EPHA1: variants seen among roughly 807,000 people sequenced by gnomAD.
EPHA1 encodes ephrin type-A receptor 1.
In EPHA1, 92 loss-of-function variants were observed where a neutral mutation model predicts 110.1. The observed-to-expected ratio is 0.84, with a 90% confidence interval of 0.71 to 0.99. The LOEUF (loss-of-function observed/expected upper bound fraction) is 0.99. Ranked by LOEUF, EPHA1 falls within the 50% of genes least tolerant of loss-of-function variation. EPHA1 has a pLI of 0.00. For missense variants in EPHA1, 1,204 were observed against 1,285.4 expected (o/e 0.94, Z 0.97); for synonymous variants, 500 against 516.1 (o/e 0.97, Z 0.42).
intron 4 of EPHA1, 118 bp from the exon 5 acceptor site, chr7:143,399,531 C>T (rs1388981334): frequency 6.5e-7 from 1 of 1,548,966 alleles, no homozygotes; most frequent in Non-Finnish European, 8.7e-7. Context: ...TGTGTGTCCG[C>T]TGCTCTGGGA....
At position 143,399,397 on chromosome 7, in the gene EPHA1, G is replaced by A. The variant is rs1328047357; in HGVS notation, c.852C>T (p.Ser284=). 6.3e-7 allele frequency: 1 copy of A among 1,593,046 alleles called. No homozygotes were observed. Among genetic ancestry groups the A allele is most frequent in the African/African-American group, 1.3e-5 (1 of 74,404 alleles). The change falls in exon 5 of 18, where the codon TCC becomes TCT. Residue 284 remains serine (S), a synonymous_variant. Transcript: ENST00000275815. ...GGGGTGTGTCCATGTCCATCCGGTA[G>A]GAGCCGCTAGGGCAGGCTGGAGAGA... is the stretch of plus-strand genomic sequence containing the variant. The part of the protein sequence containing the change: ...GEACVACPSG[S]YRMDMDTPHC...
chr7:143,394,130 G>T, intron 15 of EPHA1, 64 bp downstream of exon 15: 1 of 1,545,758 alleles, frequency 6.5e-7, no homozygotes, highest in South Asian at 1.2e-5. Context: ...GCCATGGGAG[G>T]ACCTTGGGAG....
In EPHA1 at chr7:143,399,323, G is replaced by A. The variant is rs1805351077; in HGVS notation, c.926C>T (p.Thr309Ile). Residue 309 changes from threonine (T) to isoleucine (I), a missense_variant, in exon 5 of 18, where the codon ACC becomes ATC. Thr to Ile is a moderately conservative substitution (Grantham distance 89). Transcript: ENST00000275815. ...ATGGCCGCTCTCACAGGTACAGATG[G>A]TGGCCCCCTCAGACTCAGCAGTGCT... ...QQSTAESEGA[T>I]ICTCESGHYR... 6.2e-7 allele frequency: 1 copy of A among 1,612,606 alleles called. No individual in the cohort carries two copies. Among genetic ancestry groups the A allele is most frequent in the South Asian group, 1.1e-5 (1 of 90,964 alleles).
chr7:143,407,850 C>A (rs930396944), intron 1 of EPHA1, 172 bp from the exon 2 acceptor site: 8 of 501,936 alleles, frequency 1.6e-5, no homozygotes, highest in African/African-American at 1.4e-4. Flanking sequence ...GTGAAGAGCT[C>A]CAGGGATTTC....
In EPHA1 at chr7:143,393,118, C is replaced by T. The variant is rs906956532; in HGVS notation, c.2696+553G>A. Among the ~76,000 whole-genome samples the T allele has an allele frequency of 6.6e-6, 1 of 152,164 alleles. No individual in the cohort carries two copies. Among genetic ancestry groups the T allele is most frequent in the Non-Finnish European group, 1.5e-5 (1 of 68,028 alleles). ...CTACCAGCCCTCAGCTCCCCACAGA[C>T]TAGCCATGTGATCCAGAAGCCTTCC... On this transcript the variant is annotated intron_variant, in intron 16 of 17. Coordinates refer to ENST00000275815, the MANE Select transcript of EPHA1 (RefSeq NM_005232.5). The surrounding 1 kb of genome is among the most constrained non-coding windows in gnomAD (Gnocchi z 5.6).
Position 143,401,449 on chromosome 7 carries a change from C to A in EPHA1, c.307G>T (p.Val103Leu). Reference sequence around the variant, plus strand: ...CCAGGGAAACTCTTGCAGTCCCGCACGGTGAACTGCAGCTCCACGTGGACG... The same window carrying A: ...CCAGGGAAACTCTTGCAGTCCCGCAAGGTGAACTGCAGCTCCACGTGGACG... ...SRVHVELQFT[V>L]RDCKSFPGGA... is the part of the protein sequence containing the mutation. Residue 103 changes from valine to leucine, a missense_variant, in exon 3 of 18, where the codon GTG becomes TTG. Transcript: ENST00000275815. The surrounding 1 kb of genome is among the most constrained non-coding windows in gnomAD (Gnocchi z 4.1). The A allele has an allele frequency of 3.7e-6, 6 of 1,614,126 alleles. No individual in the cohort carries two copies. Among genetic ancestry groups the A allele is most frequent in the Non-Finnish European group, 5.1e-6 (6 of 1,180,046 alleles).
chr7:143,408,711 C>T lies in EPHA1; in HGVS notation c.82+13G>A. On this transcript the variant is annotated intron_variant, in intron 1 of 17. Transcript: ENST00000275815. ...GGCGCGGGGGTTGGGGGCGCGGGGG[C>T]GGGGGTCGGTACCTTCCTTGGCGCG... The T allele has an allele frequency of 1.1e-5, 5 of 444,240 alleles. No individual in the cohort carries two copies. The South Asian group carries it at 3.8e-4, about 34-fold the overall frequency. The allele number at this position is 444,240 out of a possible 1,614,324, so 27.5% of individuals were successfully genotyped here.
intron 14 of EPHA1, 120 bp downstream of exon 14, chr7:143,394,687 TG>T (rs1805194210): frequency 1.7e-6 from 2 of 1,207,490 alleles, no homozygotes; most frequent in Non-Finnish European, 2.3e-6. Flanking sequence ...CCCAAAGTGC[TG>T]GGATTACAGG....
chr7:143,396,551 G>A (rs1236465524), intron 10 of EPHA1, 41 bp from the exon 11 acceptor site: 2 of 1,606,884 alleles, frequency 1.2e-6, no homozygotes, highest in East Asian at 2.2e-5. Context: ...CAACATCAGG[G>A]CTCAGGAGTA....
intron 3 of EPHA1, chr7:143,400,762 T>C (rs1405249760): frequency 1.3e-5 from 2 of 155,646 alleles, no homozygotes; most frequent in East Asian, 3.8e-4. Context: ...ATAAAATAGA[T>C]ATAGCTGGCC....
rs200691147 is a variant in EPHA1, at chr7:143,399,238, G to A, written c.991+20C>T. On this transcript the variant is annotated intron_variant, in intron 5 of 17. Coordinates refer to ENST00000275815, the MANE Select transcript of EPHA1 (RefSeq NM_005232.5). ...CCAGCCCCTCCCTCCAGATGGCCAC[G>A]CCCCACCCCCTGGACTCACCTGTGC... 3.0e-5 allele frequency: 48 copies of A among 1,602,916 alleles called. No individual in the cohort carries two copies. The African/African-American group carries it at 3.4e-4, about 11-fold the overall frequency.
rs766943140 is a variant in EPHA1, at chr7:143,399,923, G to T, written c.563C>A (p.Pro188Gln). The change falls in exon 4 of 18, where the codon CCG becomes CAG. Residue 188 changes from proline (P) to glutamine (Q), a missense_variant. Pro to Gln is a moderately conservative substitution (Grantham distance 76). Coordinates refer to ENST00000275815, the MANE Select transcript of EPHA1 (RefSeq NM_005232.5). ...AGACACCAGGGCCACACAGGCACCC[G>T]GGTTGTGGAAAGCGAGGTAGAGGCC... is the stretch of plus-strand genomic sequence containing the variant. ...RRGLYLAFHN[P>Q]GACVALVSVR... 5.6e-6 allele frequency: 9 copies of T among 1,613,326 alleles called. No homozygotes were observed. The highest frequency in any genetic ancestry group is 1.1e-5 in the South Asian group (1 of 90,962).
At chr7:143,400,521 G>T (rs559316463) in intron 3 of EPHA1, among the ~76,000 whole-genome samples, 1 of 152,164 alleles carries the variant, frequency 6.6e-6, no homozygotes, top group Non-Finnish European at 1.5e-5. Flanking sequence ...ATCATAAAAT[G>T]CTCCTTACTC....
At position 143,397,330 on chromosome 7, in the gene EPHA1, C is replaced by CGCTGCCTCT; in HGVS notation, c.1736_1744dup (p.Gln579_Gln581dup). On this transcript the variant is annotated inframe_insertion, in exon 10 of 18. Coordinates refer to ENST00000275815, the MANE Select transcript of EPHA1 (RefSeq NM_005232.5). ...TCGATCCACATCGGTGGCGCGGTCA[C>CGCTGCCTCT]GCTGCCTCTGCTGCCTCTGCCGCTG... The CGCTGCCTCT allele has an allele frequency of 6.5e-7, 1 of 1,549,898 alleles. No individual in the cohort carries two copies. The highest frequency in any genetic ancestry group is 8.7e-7 in the Non-Finnish European group (1 of 1,146,882).
In EPHA1 at chr7:143,393,899, C is replaced by G; in HGVS notation, c.2503-35G>C. The G allele has an allele frequency of 1.3e-6, 2 of 1,513,352 alleles. No homozygotes were observed. The highest frequency in any genetic ancestry group is 2.7e-5 in the South Asian group (2 of 74,832). The allele number at this position is 1,513,352 out of a possible 1,614,324, so 93.7% of individuals were successfully genotyped here. A position where few individuals can be genotyped will look rare whatever the true frequency, so the allele number is the denominator to read the frequency against. On this transcript the variant is annotated intron_variant, in intron 15 of 17. Transcript: ENST00000275815. The surrounding 1 kb of genome is among the most constrained non-coding windows in gnomAD (Gnocchi z 5.6). ...GGGACAGGAGGATGCTCTAGAGTAG[C>G]AAGCTAACCTGGAGGCCCATGAGAA...
At chr7:143,398,991 C>T (rs886347919) in intron 5 of EPHA1, 46 bp from the exon 6 acceptor site, 1 of 1,500,104 alleles carries the variant, frequency 6.7e-7, no homozygotes, top group Non-Finnish European at 9.0e-7. Context: ...CTCGCTGTCA[C>T]CCGAGCTGCT....
Position 143,394,001 on chromosome 7 carries a change from C to T in EPHA1, c.2503-137G>A. On this transcript the variant is annotated intron_variant, in intron 15 of 17. Coordinates refer to ENST00000275815, the MANE Select transcript of EPHA1 (RefSeq NM_005232.5). ...TGGGAGGACCAGGGTGGGACGATCACAGTGGGAGGATCAGGGTGGGAGGAG... is the reference window on the plus strand; with the variant it reads ...TGGGAGGACCAGGGTGGGACGATCATAGTGGGAGGATCAGGGTGGGAGGAG... 3.2e-6 allele frequency: 4 copies of T among 1,244,988 alleles called. No homozygotes were observed. The South Asian group carries it at 6.1e-5, about 19-fold the overall frequency. The allele number at this position is 1,244,988 out of a possible 1,614,324, so 77.1% of individuals were successfully genotyped here.
chr7:143,391,623 G>T lies in EPHA1; in HGVS notation c.2849C>A (p.Ala950Asp), dbSNP rs775057203. The T allele has an allele frequency of 6.2e-7, 1 of 1,614,154 alleles. No individual in the cohort carries two copies. Among genetic ancestry groups the T allele is most frequent in the African/African-American group, 1.3e-5 (1 of 75,048 alleles). Residue 950 changes from alanine to aspartate, a missense_variant, in exon 17 of 18, where the codon GCT becomes GAT. Transcript: ENST00000275815. ...CCAGACAGCTCCAGCTCCTTACTCA[G>T]CGGTCAGCTCCAGCACACACTCCAT... Reference protein sequence around the residue: ...DTMECVLELTAEDLTQMGITL... With the variant: ...DTMECVLELTDEDLTQMGITL...
At chr7:143,403,905 GTTTC>G (rs1264606449) in intron 2 of EPHA1, among the ~76,000 whole-genome samples, 1 of 152,126 alleles carries the variant, frequency 6.6e-6, no homozygotes, top group Non-Finnish European at 1.5e-5. Context: ...AGTTGGATGA[GTTTC>G]TTTTTTAAAC....
Sources: allele counts gnomAD v4.1 joint callset (sites outside exome capture counted in the v4.1 genomes callset), GRCh38; gene constraint gnomAD v4.1.1; non-coding constraint Gnocchi (gnomAD v3.1); transcripts MANE v1.5; gene names NCBI Gene and HGNC (gene_info 2026-07-23, HGNC 2026-07-21).